Variants in CSMD1 observed in about 807,000 individuals in gnomAD.
CSMD1 encodes CUB and sushi domain-containing protein 1.
Under a neutral mutation model 417.5 loss-of-function variants are expected in CSMD1, and 213 were observed. The ratio of observed to expected loss-of-function variants is 0.51; its 90% CI spans 0.46 to 0.57. The LOEUF is 0.57. Ranked by LOEUF, CSMD1 falls within the 20% of genes least tolerant of loss-of-function variation. CSMD1 has a pLI of 0.00. For missense variants in CSMD1, 6,923 were observed against 4,529.7 expected (o/e 1.53, Z -15.17); for synonymous variants, 2,862 against 1,736.8 (o/e 1.65, Z -16.11).
chr8:4,915,073 G>A (rs1019148005), intron 1 of CSMD1, among the ~76,000 whole-genome samples: 1 of 152,108 alleles, frequency 6.6e-6, no homozygotes, highest in Non-Finnish European at 1.5e-5. Context: ...AAATACACTC[G>A]GTTTCTCAGA....
At chr8:4,396,188 G>C (rs7844679) in intron 3 of CSMD1, among the ~76,000 whole-genome samples, 3,966 of 152,082 alleles carry the variant, frequency 0.026, 159 homozygotes, top group African/African-American at 0.091. Context: ...TTTCCAGTTG[G>C]GCACAATGAC....
chr8:4,734,799 C>G (rs188293878), intron 1 of CSMD1, among the ~76,000 whole-genome samples: 1 of 152,040 alleles, frequency 6.6e-6, no homozygotes, highest in Non-Finnish European at 1.5e-5. Context: ...TTTTTAAGAC[C>G]TCTCAAGGAC....
intron 10 of CSMD1, among the ~76,000 whole-genome samples, chr8:3,511,763 ATAACATAACATAACATAAC>A (rs1304340610): frequency 0.017 from 1,346 of 81,392 alleles, 13 homozygotes; most frequent in South Asian, 0.045. Context: ...CTCTAAAAAA[ATAACATAACATAACATAAC>A]ATAACATAAC....
intron 29 of CSMD1, 141 bp downstream of exon 29, chr8:3,219,114 A>G (rs1585690937): frequency 1.6e-6 from 1 of 618,610 alleles, no homozygotes; most frequent in East Asian, 3.1e-5. Context: ...GAGGGAGGAG[A>G]CATGTATCTT....
chr8:3,931,258 C>T lies in CSMD1; in HGVS notation c.818+66645G>A, dbSNP rs538582358. On this transcript the variant is annotated intron_variant, in intron 5 of 69. Transcript: ENST00000635120. Reference sequence around the variant, plus strand: ...TACATTTTGTTAGTTTCTCAGAACGCTCTGCATTTTGAATTGTTAATAAAT... The same window carrying T: ...TACATTTTGTTAGTTTCTCAGAACGTTCTGCATTTTGAATTGTTAATAAAT... 3.1e-4 allele frequency among the ~76,000 whole-genome samples: 46 copies of T among 150,352 alleles called. 3 individuals carry two copies. Among genetic ancestry groups the T allele is most frequent in the Non-Finnish European group, 6.1e-4 (41 of 67,542 alleles).
At chr8:3,995,955 T>C (rs1815180456) in intron 5 of CSMD1, among the ~76,000 whole-genome samples, 1 of 152,150 alleles carries the variant, frequency 6.6e-6, no homozygotes, top group Non-Finnish European at 1.5e-5. Context: ...CCAGCCTGGA[T>C]CCAGGCACCA....
intron 7 of CSMD1, among the ~76,000 whole-genome samples, chr8:3,666,297 A>G (rs1028099055): frequency 2.0e-5 from 3 of 152,200 alleles, no homozygotes; most frequent in Admixed American, 1.3e-4. Context: ...AGATTGTGAG[A>G]ACCGATGTGA....
At chr8:3,468,522 T>C (rs1816911014) in intron 12 of CSMD1, among the ~76,000 whole-genome samples, 190 bp downstream of exon 12, 1 of 152,112 alleles carries the variant, frequency 6.6e-6, no homozygotes, top group Admixed American at 6.6e-5. Flanking sequence ...GCAAGCCGAG[T>C]TTTCAGAAGT....
In CSMD1 at chr8:3,500,137, C is replaced by G. The variant is rs184884178; in HGVS notation, c.1345-6411G>C. On this transcript the variant is annotated intron_variant, in intron 10 of 69. Coordinates refer to ENST00000635120, the MANE Select transcript of CSMD1 (RefSeq NM_033225.6). ...GGATCCTACCTGCGCACTTCACGTT[C>G]ATCTTTATGCTGCCATCTTGAGTTT... 1.6e-3 allele frequency among the ~76,000 whole-genome samples: 249 copies of G among 152,260 alleles called. 2 individuals carry two copies. The highest frequency in any genetic ancestry group is 0.014 in the Admixed American group (219 of 15,292).
chr8:4,712,327 C>T (rs558703310), intron 1 of CSMD1, among the ~76,000 whole-genome samples: 2 of 152,190 alleles, frequency 1.3e-5, no homozygotes. Context: ...CACTTCCAAC[C>T]ACGCATTTCC....
rs540650126 is a variant in CSMD1 at position 3,073,879 on chromosome 8, T to G, written c.7474+13218A>C. Among the ~76,000 whole-genome samples, 15 of 152,304 alleles carry G rather than the reference T, an allele frequency of 9.8e-5. No individual in the cohort carries two copies. In the South Asian group the frequency reaches 2.5e-3, roughly 25 times the overall value. On this transcript the variant is annotated intron_variant, in intron 49 of 69. Coordinates refer to ENST00000635120, the MANE Select transcript of CSMD1 (RefSeq NM_033225.6). ...GTGATTTTTTTTGTTTCATTTTGACTGTTAGATGTGCAAGAATTAAGAAGA... is the reference window on the plus strand; with the variant it reads ...GTGATTTTTTTTGTTTCATTTTGACGGTTAGATGTGCAAGAATTAAGAAGA...
intron 37 of CSMD1, among the ~76,000 whole-genome samples, chr8:3,169,383 T>C (rs991505393): frequency 1.3e-5 from 2 of 152,122 alleles, no homozygotes; most frequent in African/African-American, 4.8e-5. Flanking sequence ...GTGAAAAGTC[T>C]ACATTCTGCT....
intron 5 of CSMD1, among the ~76,000 whole-genome samples, chr8:3,915,405 CA>C (rs778981187): frequency 0.081 from 6,200 of 76,104 alleles, 408 homozygotes; most frequent in African/African-American, 0.24. Context: ...GACTCTGTCT[CA>C]AAAAAAAAAA....
chr8:3,714,712 G>A (rs1420782904), intron 6 of CSMD1, among the ~76,000 whole-genome samples: 2 of 152,038 alleles, frequency 1.3e-5, no homozygotes, highest in East Asian at 3.9e-4. Context: ...ACTCCAGCCT[G>A]GGCCACACAG....
At chr8:3,067,618 A>G (rs145093837) in intron 49 of CSMD1, among the ~76,000 whole-genome samples, 2,298 of 149,458 alleles carry the variant, frequency 0.015, 25 homozygotes, top group East Asian at 0.04. Flanking sequence ...TATATAATAT[A>G]TAAATATATA....
At chr8:3,679,474 A>G (rs1305050079) in intron 7 of CSMD1, among the ~76,000 whole-genome samples, 1 of 152,220 alleles carries the variant, frequency 6.6e-6, no homozygotes, top group East Asian at 1.9e-4. Flanking sequence ...CAATTCAACA[A>G]GAAGAGCTAA....
chr8:3,796,862 A>G (rs1444393010), intron 5 of CSMD1, among the ~76,000 whole-genome samples: 1 of 151,636 alleles, frequency 6.6e-6, no homozygotes, highest in East Asian at 1.9e-4. Flanking sequence ...ATTTCATTCT[A>G]TTGTTTCTAC....
chr8:4,582,740 C>A (rs551979216), intron 2 of CSMD1, among the ~76,000 whole-genome samples: 2 of 152,344 alleles, frequency 1.3e-5, no homozygotes, highest in African/African-American at 4.8e-5. Flanking sequence ...CTTGAGGAGC[C>A]CTTTGGCCCA....
chr8:4,462,625 G>T (rs991005649), intron 2 of CSMD1, among the ~76,000 whole-genome samples: 1 of 152,156 alleles, frequency 6.6e-6, no homozygotes, highest in East Asian at 1.9e-4. Context: ...ATTCCATTAT[G>T]CTTGCATTAG....
Sources: allele counts gnomAD v4.1 joint callset (sites outside exome capture counted in the v4.1 genomes callset), GRCh38; gene constraint gnomAD v4.1.1; transcripts MANE v1.5; gene names NCBI Gene and HGNC (gene_info 2026-07-23, HGNC 2026-07-21).